The following LYSMD2 variants were observed in gnomAD, a reference collection of about 807,000 sequenced individuals.
LYSMD2 encodes the protein LysM domain containing 2, also known as lysM and putative peptidoglycan-binding domain-containing protein 2.
In LYSMD2, 6 loss-of-function variants were observed where a neutral mutation model predicts 17.7. That is an observed-to-expected ratio of 0.34 (90% CI 0.19 to 0.67). LYSMD2 has a LOEUF of 0.67. LYSMD2 is among the 30% of genes least tolerant of loss of function. The probability of loss-of-function intolerance (pLI) is 0.69; values close to 1 mark genes in which losing one functional copy is unlikely to be tolerated. For missense variants in LYSMD2, 237 were observed against 286.7 expected (o/e 0.83, Z 1.25); for synonymous variants, 102 against 129.8 (o/e 0.79, Z 1.45).
intron 1 of LYSMD2, among the ~76,000 whole-genome samples, chr15:51,733,538 A>G (rs1160918973): frequency 6.6e-6 from 1 of 151,936 alleles, no homozygotes; most frequent in Non-Finnish European, 1.5e-5. Flanking sequence ...TTTGACATAG[A>G]GTGTGCAGAA....
At chr15:51,751,375 C>A (rs1409449943) in exon 1 of LYSMD2, 1 of 702,140 alleles carries the variant, frequency 1.4e-6, no homozygotes, top group South Asian at 1.5e-5. Flanking sequence ...GAGCCCCGAG[C>A]GTCTCCAAAG....
chr15:51,751,124 G>C, intron 1 of LYSMD2: 1 of 582,690 alleles, frequency 1.7e-6, no homozygotes, highest in Admixed American at 2.9e-5. Context: ...CTGCGCTTGG[G>C]CTCTCCAGCC....
At chr15:51,733,180 G>C (rs933802528) in intron 1 of LYSMD2, among the ~76,000 whole-genome samples, 12 of 151,906 alleles carry the variant, frequency 7.9e-5, no homozygotes, top group African/African-American at 2.7e-4. Flanking sequence ...TTCTTCACCA[G>C]ATATCTGCAC....
chr15:51,738,937 T>G (rs1252328074), upstream of LYSMD2, among the ~76,000 whole-genome samples: 1 of 152,186 alleles, frequency 6.6e-6, no homozygotes, highest in African/African-American at 2.4e-5. Flanking sequence ...CTGTATACTC[T>G]ACATATTCCT....
rs190336215 is a variant in LYSMD2 at position 51,723,252 on chromosome 15, T to C, written c.*355A>G. ...CTTAAACAGCAACCATATTTTCACATAATCAGGATTGCATAAGGAGATAAA... is the reference window on the plus strand; with the variant it reads ...CTTAAACAGCAACCATATTTTCACACAATCAGGATTGCATAAGGAGATAAA... On this transcript the variant is annotated 3_prime_UTR_variant, in exon 3 of 3. Transcript: ENST00000267838. 5.2e-4 allele frequency: 97 copies of C among 187,490 alleles called. No individual in the cohort carries two copies. Among genetic ancestry groups the C allele is most frequent in the Admixed American group, 9.9e-4 (18 of 18,242 alleles). The allele number at this position is 187,490 out of a possible 1,614,324, so 11.6% of individuals were successfully genotyped here. A position where few individuals can be genotyped will look rare whatever the true frequency, so the allele number is the denominator to read the frequency against.
At chr15:51,744,902 C>G (rs2055659777) in intron 1 of LYSMD2, among the ~76,000 whole-genome samples, 2 of 151,934 alleles carry the variant, frequency 1.3e-5, no homozygotes, top group African/African-American at 4.8e-5. Context: ...AGAGAAGATT[C>G]AAATTCTAAA....
upstream of LYSMD2, among the ~76,000 whole-genome samples, chr15:51,741,851 C>T (rs1031810125): frequency 1.3e-5 from 2 of 151,628 alleles, no homozygotes; most frequent in East Asian, 3.9e-4. Flanking sequence ...ACCTGGGAGG[C>T]GGAGGTTACA....
At chr15:51,749,829 GA>G (rs1335581469) in intron 1 of LYSMD2, among the ~76,000 whole-genome samples, 1 of 152,208 alleles carries the variant, frequency 6.6e-6, no homozygotes, top group Non-Finnish European at 1.5e-5. Flanking sequence ...AAATGTACAG[GA>G]AAACTTGGGA....
intron 1 of LYSMD2, among the ~76,000 whole-genome samples, chr15:51,751,084 T>C (rs1249014109): frequency 6.6e-6 from 1 of 152,212 alleles, no homozygotes; most frequent in East Asian, 1.9e-4. Flanking sequence ...ACAGGCTAAG[T>C]TGTCCGGTCT....
In LYSMD2 at chr15:51,737,050, A is replaced by G. The variant is rs917676544; in HGVS notation, c.273+300T>C. Among the ~76,000 whole-genome samples the G allele has an allele frequency of 6.6e-6, 1 of 152,150 alleles. No homozygotes were observed. The highest frequency in any genetic ancestry group is 2.4e-5 in the African/African-American group (1 of 41,430). ...AGTCCTCTTCGGCCTCCCTCACGCGACAGATCTAGTCTGAGCCTGGGCGGG... is the reference window on the plus strand; with the variant it reads ...AGTCCTCTTCGGCCTCCCTCACGCGGCAGATCTAGTCTGAGCCTGGGCGGG... On this transcript the variant is annotated intron_variant, in intron 1 of 2. Transcript: ENST00000267838. The surrounding 1 kb of genome is among the most constrained non-coding windows in gnomAD (Gnocchi z 4.2).
chr15:51,744,773 T>TA (rs1162108446), intron 1 of LYSMD2, among the ~76,000 whole-genome samples: 3 of 152,020 alleles, frequency 2.0e-5, no homozygotes, highest in Non-Finnish European at 2.9e-5. Context: ...CCATCTGAGT[T>TA]ATGATAAATG....
chr15:51,729,006 A>G (rs939612022), intron 1 of LYSMD2, among the ~76,000 whole-genome samples: 1 of 152,280 alleles, frequency 6.6e-6, no homozygotes, highest in African/African-American at 2.4e-5. Context: ...AGGTTTTTCA[A>G]AAGGTAATGA....
chr15:51,737,262 T>TGCCCC lies in LYSMD2; in HGVS notation c.273+87_273+88insGGGGC. 2 of 134,040 alleles carry TGCCCC rather than the reference T, an allele frequency of 1.5e-5. No homozygotes were observed. The highest frequency in any genetic ancestry group is 2.8e-5 in the Non-Finnish European group (2 of 70,572). 8.3% of individuals were successfully genotyped at this position (134,040 alleles called of 1,614,324 possible). A position where few individuals can be genotyped will look rare whatever the true frequency, so the allele number is the denominator to read the frequency against. On this transcript the variant is annotated intron_variant, in intron 1 of 2. Coordinates refer to ENST00000267838, the MANE Select transcript of LYSMD2 (RefSeq NM_153374.3). The surrounding 1 kb of genome is among the most constrained non-coding windows in gnomAD (Gnocchi z 4.2). ...CCATCCCCCAAACCCCCACCCGCAG[T>TGCCCC]CCCACCCCCACCCCCACCGCACCCC... is the stretch of plus-strand genomic sequence containing the variant.
intron 2 of LYSMD2, 126 bp downstream of exon 2, chr15:51,724,664 A>G (rs1343589951): frequency 1.2e-5 from 7 of 575,566 alleles, no homozygotes; most frequent in Non-Finnish European, 1.4e-5. Flanking sequence ...GAAAAAAAGA[A>G]AAAAAATCAG....
At chr15:51,750,997 T>G (rs2055697017) in intron 1 of LYSMD2, among the ~76,000 whole-genome samples, 1 of 152,194 alleles carries the variant, frequency 6.6e-6, no homozygotes, top group Non-Finnish European at 1.5e-5. Context: ...AGATCCTAAG[T>G]GCTATGGGTC....
intron 1 of LYSMD2, among the ~76,000 whole-genome samples, chr15:51,750,773 C>T (rs923091841): frequency 6.6e-6 from 1 of 152,128 alleles, no homozygotes; most frequent in African/African-American, 2.4e-5. Flanking sequence ...ATCTTTGGAG[C>T]TCTCAAGAAC....
chr15:51,735,336 C>T (rs192738179), intron 1 of LYSMD2, among the ~76,000 whole-genome samples: 62 of 152,186 alleles, frequency 4.1e-4, no homozygotes, highest in African/African-American at 1.4e-3. Flanking sequence ...TGTAATAAAC[C>T]AGTGGTCCTC....
intron 1 of LYSMD2, among the ~76,000 whole-genome samples, chr15:51,746,044 G>A (rs1346180538): frequency 6.6e-6 from 1 of 152,166 alleles, no homozygotes; most frequent in Non-Finnish European, 1.5e-5. Context: ...ACAGTTTGGT[G>A]GTCCCTCAAT....
chr15:51,723,670 C>T (rs896389283), intron 2 of LYSMD2, 21 bp from the exon 3 acceptor site: 1 of 1,576,532 alleles, frequency 6.3e-7, no homozygotes, highest in African/African-American at 1.4e-5. Flanking sequence ...ATAAATACAG[C>T]ATAAATCAGA....
Sources: gnomAD v4.1 joint callset for allele counts (sites outside exome capture counted in the v4.1 genomes callset) on GRCh38, gnomAD v4.1.1 for gene constraint, Gnocchi (gnomAD v3.1) non-coding constraint, MANE v1.5 for transcripts, NCBI Gene and HGNC (gene_info 2026-07-23, HGNC 2026-07-21) for gene names.